STON2: variants seen among roughly 807,000 people sequenced by gnomAD.
STON2 encodes stonin-2.
Under a neutral mutation model 65.7 loss-of-function variants are expected in STON2, and 29 were observed. The ratio of observed to expected loss-of-function variants is 0.44; its 90% CI spans 0.33 to 0.60. STON2 has a LOEUF of 0.60. Ranked by LOEUF, STON2 falls within the 20% of genes least tolerant of loss-of-function variation. The pLI is 0.03. For synonymous variants in STON2, 404 were observed against 414.2 expected (o/e 0.98, Z 0.30); for missense variants, 1,054 against 1,118.1 (o/e 0.94, Z 0.82).
rs549978294 is a variant in STON2, at chr14:81,272,976, A to G, written c.2582-2104T>C. ...AAGATTCAGAGATGACTCTGCCTTC[A>G]AACTATGTCCTAAATTCTTCTCAAT... is the stretch of plus-strand genomic sequence containing the variant. On this transcript the variant is annotated intron_variant, in intron 6 of 7. Transcript: ENST00000614646. Among the ~76,000 whole-genome samples the G allele has an allele frequency of 9.8e-5, 15 of 152,358 alleles. No homozygotes were observed. The South Asian group carries it at 2.9e-3, about 29-fold the overall frequency.
Position 81,262,263 on chromosome 14 carries a change from T to C in STON2, c.*6151A>G, listed in dbSNP as rs1894179574. ...CACAGAAACCCCAATTTCCCCTTAA[T>C]AAATCCATTATGGCATGCCTATGAG... is the stretch of plus-strand genomic sequence containing the variant. On this transcript the variant is annotated 3_prime_UTR_variant, in exon 8 of 8. Coordinates refer to ENST00000614646, the MANE Select transcript of STON2 (RefSeq NM_001394390.1). 3 of 985,342 alleles carry C rather than the reference T, an allele frequency of 3.0e-6. No individual in the cohort carries two copies. Among genetic ancestry groups the C allele is most frequent in the Non-Finnish European group, 3.6e-6 (3 of 829,942 alleles). 61.0% of individuals were successfully genotyped at this position (985,342 alleles called of 1,614,324 possible). A position where few individuals can be genotyped will look rare whatever the true frequency, so the allele number is the denominator to read the frequency against.
rs951526827 is a variant in STON2 at position 81,377,759 on chromosome 14, A to G, written c.374-6574T>C. ...TTTAATTTGTATTTCCCTAATGGATAATGATATTGAATATCTTTTCATGTG... is the reference window on the plus strand; with the variant it reads ...TTTAATTTGTATTTCCCTAATGGATGATGATATTGAATATCTTTTCATGTG... On this transcript the variant is annotated intron_variant, in intron 3 of 7. Transcript: ENST00000614646. Among the ~76,000 whole-genome samples the G allele has an allele frequency of 2.0e-5, 3 of 152,212 alleles. No individual in the cohort carries two copies. The South Asian group carries it at 6.2e-4, about 32-fold the overall frequency.
At chr14:81,344,110 C>G (rs1897722693) in intron 4 of STON2, among the ~76,000 whole-genome samples, 1 of 152,140 alleles carries the variant, frequency 6.6e-6, no homozygotes, top group African/African-American at 2.4e-5. Context: ...AAGCCAGCCC[C>G]TAGCCCCTGA....
At chr14:81,308,822 ATATG>A (rs1405373211) in intron 5 of STON2, among the ~76,000 whole-genome samples, 29 of 8,634 alleles carry the variant, frequency 3.4e-3, no homozygotes, top group East Asian at 7.7e-3. Context: ...ATATATATAT[ATATG>A]TGTGTGTGTG....
Position 81,319,271 on chromosome 14 carries a change from C to T in STON2, c.742+4746G>A, listed in dbSNP as rs551790972. 5.9e-5 allele frequency among the ~76,000 whole-genome samples: 9 copies of T among 152,280 alleles called. No individual in the cohort carries two copies. The South Asian group carries it at 1.9e-3, about 32-fold the overall frequency. On this transcript the variant is annotated intron_variant, in intron 5 of 7. Transcript: ENST00000614646. ...CACCTGAAATTTAATGGTTAAAATA[C>T]TGCTTGCTTTGTTTTCTTACTACAT...
At chr14:81,362,725 A>G (rs1397738489) in intron 4 of STON2, among the ~76,000 whole-genome samples, 2 of 152,220 alleles carry the variant, frequency 1.3e-5, no homozygotes, top group South Asian at 2.1e-4. Flanking sequence ...TTAAAAAATC[A>G]TAACATAACT....
At position 81,395,972 on chromosome 14, in the gene STON2, T is replaced by C. The variant is rs377379906; in HGVS notation, c.295A>G (p.Ile99Val). 212 of 1,614,068 alleles carry C rather than the reference T, an allele frequency of 1.3e-4. No individual in the cohort carries two copies. The highest frequency in any genetic ancestry group is 1.7e-4 in the Non-Finnish European group (204 of 1,180,026). The change falls in exon 3 of 8, where the codon ATC (isoleucine) becomes GTC (valine). Residue 99 changes from isoleucine (I) to valine (V), a missense_variant. Ile to Val is a conservative substitution (Grantham distance 29, BLOSUM62 3). Transcript: ENST00000614646. ...TCTTCAAACTGAACCCAGTTGCTGA[T>C]GGCCGAGGCCAGGTCAGGTGGGGGC... The part of the protein sequence containing the change: ...EQPPPDLASA[I>V]SNWVQFEDDT...
intron 4 of STON2, among the ~76,000 whole-genome samples, chr14:81,352,064 C>T (rs906864174): frequency 3.3e-5 from 5 of 152,126 alleles, no homozygotes; most frequent in African/African-American, 1.2e-4. Context: ...ATATTAAAAA[C>T]TAACTTCATG....
intron 5 of STON2, among the ~76,000 whole-genome samples, chr14:81,280,201 C>A (rs1035901692): frequency 6.6e-6 from 1 of 152,088 alleles, no homozygotes; most frequent in South Asian, 2.1e-4. Context: ...GAAAGAGATA[C>A]AGGACTTGGG....
intron 4 of STON2, among the ~76,000 whole-genome samples, chr14:81,332,094 AT>A (rs1268680897): frequency 6.6e-6 from 1 of 152,076 alleles, no homozygotes; most frequent in Admixed American, 6.5e-5. Flanking sequence ...CCAAAACCAA[AT>A]TTCTGGAGAA....
intron 5 of STON2, among the ~76,000 whole-genome samples, chr14:81,287,283 T>C (rs1218532538): frequency 1.3e-5 from 2 of 152,166 alleles, no homozygotes; most frequent in African/African-American, 4.8e-5. Flanking sequence ...TTACAAATGA[T>C]ACGTACTAAT....
At chr14:81,340,038 T>C (rs61416391) in intron 4 of STON2, among the ~76,000 whole-genome samples, 19,405 of 152,102 alleles carry the variant, frequency 0.13, 1,556 homozygotes, top group African/African-American at 0.22. Context: ...CCTGTAGTCC[T>C]AGCTACTCGG....
intron 5 of STON2, among the ~76,000 whole-genome samples, chr14:81,313,810 TACACACACACACACAC>T (rs10527861): frequency 6.4e-5 from 9 of 139,792 alleles, no homozygotes; most frequent in African/African-American, 2.1e-4. Flanking sequence ...AAAAAAAAAA[TACACACACACACACAC>T]ACACACACAC....
chr14:81,363,954 T>C (rs143580085), intron 4 of STON2, among the ~76,000 whole-genome samples: 2 of 152,156 alleles, frequency 1.3e-5, no homozygotes, highest in Non-Finnish European at 2.9e-5. Context: ...ATGTTATATC[T>C]TGTACAGAGA....
chr14:81,350,423 T>C (rs577288439), intron 4 of STON2, among the ~76,000 whole-genome samples: 51 of 152,250 alleles, frequency 3.3e-4, no homozygotes, highest in African/African-American at 1.2e-3. Context: ...TGCTTTTAAC[T>C]TTCTGCATGA....
intron 4 of STON2, among the ~76,000 whole-genome samples, chr14:81,358,376 T>A (rs1391864835): frequency 6.6e-6 from 1 of 151,970 alleles, no homozygotes; most frequent in Non-Finnish European, 1.5e-5. Flanking sequence ...GTAAGCCTCT[T>A]GGTGATCACA....
Position 81,278,754 on chromosome 14 carries a change from A to T in STON2, c.743-15T>A, listed in dbSNP as rs1359739768. 1.3e-6 allele frequency: 2 copies of T among 1,506,524 alleles called. No individual in the cohort carries two copies. The highest frequency in any genetic ancestry group is 2.8e-5 in the African/African-American group (2 of 71,556). 93.3% of individuals were successfully genotyped at this position (1,506,524 alleles called of 1,614,324 possible). A position where few individuals can be genotyped will look rare whatever the true frequency, so the allele number is the denominator to read the frequency against. On this transcript the variant is annotated splice_polypyrimidine_tract_variant and intron_variant, in intron 5 of 7. Transcript: ENST00000614646. ...GGAGGAATTGTCTAAAAGGAAAAGGAGAACATATGAGCTACTGTTCAGGGG... is the reference window on the plus strand; with the variant it reads ...GGAGGAATTGTCTAAAAGGAAAAGGTGAACATATGAGCTACTGTTCAGGGG...
chr14:81,371,731 A>G (rs1202707408), intron 3 of STON2, among the ~76,000 whole-genome samples: 1 of 151,714 alleles, frequency 6.6e-6, no homozygotes, highest in African/African-American at 2.4e-5. Context: ...CTCTCCAATC[A>G]AAGAAAATCT....
chr14:81,395,727 A>C, intron 3 of STON2, 167 bp downstream of exon 3: 1 of 669,294 alleles, frequency 1.5e-6, no homozygotes, highest in Non-Finnish European at 2.6e-6. Flanking sequence ...AACAAAAACA[A>C]GTTACAGAAT....
Sources: allele counts gnomAD v4.1 joint callset (sites outside exome capture counted in the v4.1 genomes callset), GRCh38; gene constraint gnomAD v4.1.1; transcripts MANE v1.5; gene names NCBI Gene and HGNC (gene_info 2026-07-23, HGNC 2026-07-21).